The following IL17RC variants were observed in gnomAD, a reference collection of about 807,000 sequenced individuals.
The protein encoded by IL17RC is interleukin 17 receptor C, also known as interleukin-17 receptor C.
A neutral mutation model predicts 86.7 loss-of-function variants in IL17RC; 53 were observed. That is an observed-to-expected ratio of 0.61 (90% CI 0.49 to 0.77). IL17RC has a LOEUF of 0.77. IL17RC is among the 30% of genes least tolerant of loss of function. IL17RC has a pLI of 0.00. For synonymous variants in IL17RC, 439 were observed against 413.1 expected, an observed-to-expected ratio of 1.06 and a Z score of -0.76; for missense variants, 957 against 940.0, an observed-to-expected ratio of 1.02 and a Z score of -0.24.
chr3:9,931,751 C>A (rs143362311), intron 16 of IL17RC, among the ~76,000 whole-genome samples: 6,578 of 151,686 alleles, frequency 0.043, 487 homozygotes, highest in African/African-American at 0.15. Context: ...GTGATCCGCC[C>A]GCGTCGGCCT....
intron 7 of IL17RC, 121 bp from the exon 8 acceptor site, chr3:9,923,760 C>A: frequency 1.8e-6 from 2 of 1,082,514 alleles, no homozygotes; most frequent in Non-Finnish European, 2.7e-6. Context: ...AATGATGACA[C>A]ACGCTCTGCC....
Position 9,928,640 on chromosome 3 carries a change from G to A in IL17RC, c.1110+10G>A, listed in dbSNP as rs746944176. The stretch of plus-strand genomic sequence containing the variant: ...TAACCTCTGTGTTCAGGTCAGAAAG[G>A]GGTGCATAGTGCTGGGCTGGAGGCT... On this transcript the variant is annotated intron_variant, in intron 12 of 18. Transcript: ENST00000403601. 1 of 1,613,496 alleles carries A rather than the reference G, an allele frequency of 6.2e-7. No homozygotes were observed. The highest frequency in any genetic ancestry group is 8.5e-7 in the Non-Finnish European group (1 of 1,179,944).
In IL17RC at chr3:9,930,075, G is replaced by A. The variant is rs751189260; in HGVS notation, c.1204G>A (p.Gly402Ser). 6 of 1,613,986 alleles carry A rather than the reference G, an allele frequency of 3.7e-6. No individual in the cohort carries two copies. In the South Asian group the frequency reaches 6.6e-5, roughly 18 times the overall value. ...CGATGTGCTACTGTTGGAGACACGA[G>A]GCCCCCAGGACAACAGATCCCTCTG... Reference protein sequence around the residue: ...KDDVLLLETRGPQDNRSLCAL... With the variant: ...KDDVLLLETRSPQDNRSLCAL... Residue 402 changes from glycine (G) to serine (S), a missense_variant, in exon 14 of 19, where the codon GGC (glycine) becomes AGC (serine). Gly to Ser is a moderately conservative substitution (Grantham distance 56, BLOSUM62 0). Transcript: ENST00000403601. The surrounding 1 kb of genome is among the most constrained non-coding windows in gnomAD (Gnocchi z 5.8).
chr3:9,932,473 G>A (rs1190011512), intron 16 of IL17RC, 135 bp from the exon 17 acceptor site: 5 of 810,778 alleles, frequency 6.2e-6, no homozygotes, highest in African/African-American at 3.4e-5. Flanking sequence ...TGATCTGCCC[G>A]CCTCGGCCTC....
Position 9,924,296 on chromosome 3 carries a change from G to A in IL17RC, c.822+5G>A, listed in dbSNP as rs777617337. The A allele has an allele frequency of 1.9e-6, 3 of 1,613,694 alleles. No individual in the cohort carries two copies. Among genetic ancestry groups the A allele is most frequent in the South Asian group, 2.2e-5 (2 of 91,006 alleles). Reference sequence around the variant, plus strand: ...GTTCCCTGCCTCTGTATTCAGGTAGGAGCAGAGTCTAGCTGGGTGCCAGAA... The same window carrying A: ...GTTCCCTGCCTCTGTATTCAGGTAGAAGCAGAGTCTAGCTGGGTGCCAGAA... On this transcript the variant is annotated splice_donor_5th_base_variant and intron_variant, in intron 9 of 18. Coordinates refer to ENST00000403601, the MANE Select transcript of IL17RC (RefSeq NM_153460.4).
chr3:9,920,019 CA>C (rs2083413421), intron 5 of IL17RC, among the ~76,000 whole-genome samples: 1 of 152,114 alleles, frequency 6.6e-6, no homozygotes, highest in African/African-American at 2.4e-5. Context: ...TCAAATCACT[CA>C]AACCCTTTGA....
intron 9 of IL17RC, among the ~76,000 whole-genome samples, chr3:9,927,586 T>C (rs945542041): frequency 6.6e-6 from 1 of 150,770 alleles, no homozygotes; most frequent in African/African-American, 2.4e-5. Context: ...AAAAATTTAA[T>C]TATCCAAGGT....
Position 9,918,073 on chromosome 3 carries a change from A to G in IL17RC, c.278A>G (p.His93Arg), listed in dbSNP as rs747928833. 3.2e-6 allele frequency: 5 copies of G among 1,572,908 alleles called. No homozygotes were observed. In the African/African-American group the frequency reaches 4.1e-5, roughly 13 times the overall value. Residue 93 changes from histidine to arginine, a missense_variant and splice_region_variant, in exon 3 of 19, where the codon CAT becomes CGT. His to Arg is a conservative substitution (Grantham distance 29). Transcript: ENST00000403601. ...CGTGTGGCTGTCCACTTGGCCGTGC[A>G]TGGTGAGCAAGTCATCCTGTGACAG... ...CLRVAVHLAV[H>R]GHWEEPEDEE...
In IL17RC at chr3:9,930,609, C is replaced by G; in HGVS notation, c.1338+150C>G. On this transcript the variant is annotated intron_variant, in intron 15 of 18. Transcript: ENST00000403601. This position sits in a 1 kb window ranked among gnomAD's most constrained non-coding sequence, Gnocchi z 5.8. Reference sequence around the variant, plus strand: ...GCACAGTTCCTATCCCCAAGGAGCACACTGTTGGCTAGACACCCATAAACA... The same window carrying G: ...GCACAGTTCCTATCCCCAAGGAGCAGACTGTTGGCTAGACACCCATAAACA... 4 of 797,028 alleles carry G rather than the reference C, an allele frequency of 5.0e-6. No homozygotes were observed. In the Admixed American group the frequency reaches 9.6e-5, roughly 19 times the overall value. 49.4% of individuals were successfully genotyped at this position (797,028 alleles called of 1,614,324 possible). A position where few individuals can be genotyped will look rare whatever the true frequency, so the allele number is the denominator to read the frequency against.
intron 7 of IL17RC, among the ~76,000 whole-genome samples, chr3:9,922,553 CT>C (rs1275572630): frequency 6.6e-6 from 1 of 152,162 alleles, no homozygotes; most frequent in African/African-American, 2.4e-5. Context: ...AGGCAAATCC[CT>C]GGACACTGGA....
chr3:9,923,380 C>T lies in IL17RC; in HGVS notation c.623-501C>T, dbSNP rs539577620. ...CAGCCTGGCCAACATGAGCGAAATC[C>T]CATCTCTACTAAAAATACAAAAACT... is the stretch of plus-strand genomic sequence containing the variant. On this transcript the variant is annotated intron_variant, in intron 7 of 18. Transcript: ENST00000403601. Among the ~76,000 whole-genome samples the T allele has an allele frequency of 4.0e-5, 6 of 151,556 alleles. No homozygotes were observed. The South Asian group carries it at 1.0e-3, about 26-fold the overall frequency.
intron 16 of IL17RC, among the ~76,000 whole-genome samples, chr3:9,931,470 C>CACATAT (rs750351615): frequency 3.2e-4 from 14 of 43,744 alleles, no homozygotes; most frequent in Non-Finnish European, 6.4e-4. Flanking sequence ...CACACACACA[C>CACATAT]ATATATATAT....
At chr3:9,920,625 GC>G in intron 6 of IL17RC, 23 bp downstream of exon 6, 1 of 1,484,680 alleles carries the variant, frequency 6.7e-7, no homozygotes, top group Non-Finnish European at 9.3e-7. Flanking sequence ...CCAAGTCCTG[GC>G]CCCCTAGCCT....
intron 16 of IL17RC, among the ~76,000 whole-genome samples, chr3:9,931,776 A>T (rs1327449450): frequency 1.3e-5 from 2 of 151,052 alleles, no homozygotes; most frequent in Non-Finnish European, 2.9e-5. Context: ...AAGTGCTGGG[A>T]TTATAGTCGT....
chr3:9,920,619 G>C lies in IL17RC; in HGVS notation c.577+17G>C. 6.5e-7 allele frequency: 1 copy of C among 1,535,384 alleles called. No homozygotes were observed. The highest frequency in any genetic ancestry group is 8.9e-7 in the Non-Finnish European group (1 of 1,118,012). On this transcript the variant is annotated intron_variant, in intron 6 of 18. Transcript: ENST00000403601. ...AGCTGCCTGGTAAGTGGACCCCCAA[G>C]TCCTGGCCCCCTAGCCTCTGTCCCC...
intron 9 of IL17RC, among the ~76,000 whole-genome samples, chr3:9,925,740 A>G (rs530088930): frequency 6.6e-5 from 10 of 151,624 alleles, no homozygotes; most frequent in African/African-American, 2.2e-4. Flanking sequence ...CATTACCTCA[A>G]ATGCCCTCAC....
Position 9,930,947 on chromosome 3 carries a change from AGTATT to A in IL17RC, c.1387+8_1387+12del. On this transcript the variant is annotated splice_donor_5th_base_variant and intron_variant, in intron 16 of 18. Transcript: ENST00000403601. This position sits in a 1 kb window ranked among gnomAD's most constrained non-coding sequence, Gnocchi z 5.8. ...TGGGCCTGCCCCATGGACAAATGTG[AGTATT>A]GTAAGAACTGCCTTTCCTTTCTGTA... is the stretch of plus-strand genomic sequence containing the variant. The A allele has an allele frequency of 6.2e-7, 1 of 1,612,816 alleles. No homozygotes were observed. The highest frequency in any genetic ancestry group is 2.2e-5 in the East Asian group (1 of 44,882).
In IL17RC at chr3:9,933,577, C is replaced by T. The variant is rs867817700; in HGVS notation, c.2147C>T (p.Ala716Val). 9 of 1,597,562 alleles carry T rather than the reference C, an allele frequency of 5.6e-6. No individual in the cohort carries two copies. The Admixed American group carries it at 1.5e-4, about 27-fold the overall frequency. ...GTGGGACCAGGCGCGGGACCTGGGGCGGGGGACGGGACTTAAATAAAGGCA... is the reference window on the plus strand; with the variant it reads ...GTGGGACCAGGCGCGGGACCTGGGGTGGGGGACGGGACTTAAATAAAGGCA... The part of the protein sequence containing the change: ...RGVGPGAGPG[A>V]GDGT The change falls in exon 19 of 19, where the codon GCG becomes GTG. Residue 716 changes from alanine (A) to valine (V), a missense_variant. Coordinates refer to ENST00000403601, the MANE Select transcript of IL17RC (RefSeq NM_153460.4).
Position 9,928,171 on chromosome 3 carries a change from G to T in IL17RC, c.828G>T (p.Trp276Cys). The change falls in exon 10 of 19, where the codon TGG becomes TGT. Residue 276 changes from tryptophan (W) to cysteine (C), a missense_variant. By Grantham distance (215) the Trp-to-Cys change is radical (BLOSUM62 -2). Coordinates refer to ENST00000403601, the MANE Select transcript of IL17RC (RefSeq NM_153460.4). ...GACCCCCATTTCCTTTCCAGGTGTG[G>T]CCTCTGGAACCTGACTCCGTTAGGA... is the stretch of plus-strand genomic sequence containing the variant. ...DLVPCLCIQVWPLEPDSVRTN... is the reference protein window; with the variant it reads ...DLVPCLCIQVCPLEPDSVRTN... 1 of 1,614,086 alleles carries T rather than the reference G, an allele frequency of 6.2e-7. No homozygotes were observed. The highest frequency in any genetic ancestry group is 8.5e-7 in the Non-Finnish European group (1 of 1,179,990).
Sources: gnomAD v4.1 joint callset for allele counts (sites outside exome capture counted in the v4.1 genomes callset) on GRCh38, gnomAD v4.1.1 for gene constraint, Gnocchi (gnomAD v3.1) non-coding constraint, MANE v1.5 for transcripts, NCBI Gene and HGNC (gene_info 2026-07-23, HGNC 2026-07-21) for gene names.